Variants in KIAA1549 observed in about 807,000 individuals in gnomAD.
The protein encoded by KIAA1549 is KIAA1549, also known as UPF0606 protein KIAA1549.
In KIAA1549, 70 loss-of-function variants were observed where a neutral mutation model predicts 156.4. The observed-to-expected ratio is 0.45, with a 90% CI of 0.37 to 0.55. KIAA1549 has a LOEUF of 0.55. Among genes scored for constraint, KIAA1549 ranks in the 20% least tolerant of loss-of-function variants. The pLI, the probability that KIAA1549 is intolerant of heterozygous loss-of-function variation, is 0.00. For synonymous variants in KIAA1549, 1,103 were observed against 1,066.4 expected, an observed-to-expected ratio of 1.03 and a Z score of -0.67; for missense variants, 2,428 against 2,540.9, an observed-to-expected ratio of 0.96 and a Z score of 0.96.
At chr7:138,913,740 A>G (rs1812234353) in intron 2 of KIAA1549, among the ~76,000 whole-genome samples, 1 of 152,096 alleles carries the variant, frequency 6.6e-6, no homozygotes, top group Non-Finnish European at 1.5e-5. Flanking sequence ...CACAGCCCCA[A>G]CCACCTTGCT....
chr7:138,964,041 C>G (rs539116831), intron 1 of KIAA1549, among the ~76,000 whole-genome samples: 1 of 152,090 alleles, frequency 6.6e-6, no homozygotes, highest in Non-Finnish European at 1.5e-5. Flanking sequence ...TTTAATTTGC[C>G]GAAATAAAGT....
At chr7:138,884,528 A>T (rs1282842595) in intron 10 of KIAA1549, among the ~76,000 whole-genome samples, 1 of 152,220 alleles carries the variant, frequency 6.6e-6, no homozygotes, top group Non-Finnish European at 1.5e-5. Context: ...CTTTGTGGTA[A>T]TAAGATACCA....
At chr7:138,877,504 A>C (rs1811121830) in intron 12 of KIAA1549, among the ~76,000 whole-genome samples, 1 of 152,202 alleles carries the variant, frequency 6.6e-6, no homozygotes, top group South Asian at 2.1e-4. Context: ...AAAAAGCAAA[A>C]AATTTTAAAA....
intron 12 of KIAA1549, among the ~76,000 whole-genome samples, chr7:138,873,169 T>C (rs1404332348): frequency 6.6e-6 from 1 of 152,246 alleles, no homozygotes; most frequent in Non-Finnish European, 1.5e-5. Flanking sequence ...AGCATTGCTA[T>C]GTAAATCTGT....
At position 138,964,644 on chromosome 7, in the gene KIAA1549, C is replaced by T. The variant is rs570529693; in HGVS notation, c.187+16439G>A. Among the ~76,000 whole-genome samples, 9 of 152,214 alleles carry T rather than the reference C, an allele frequency of 5.9e-5. No individual in the cohort carries two copies. In the East Asian group the frequency reaches 9.7e-4, roughly 16 times the overall value. ...AGAACCTTATTCAAAGGCCCAAATG[C>T]CAATGAACAATCAGAGAAATGCACC... On this transcript the variant is annotated intron_variant, in intron 1 of 19. Coordinates refer to ENST00000422774, the MANE Select transcript of KIAA1549 (RefSeq NM_001164665.2).
At chr7:138,858,794 T>C (rs1245463313) in intron 16 of KIAA1549, among the ~76,000 whole-genome samples, 1 of 151,816 alleles carries the variant, frequency 6.6e-6, no homozygotes, top group East Asian at 1.9e-4. Flanking sequence ...GATCACGAGG[T>C]CAGGAGATCG....
At chr7:138,968,037 C>T (rs137860302) in intron 1 of KIAA1549, among the ~76,000 whole-genome samples, 121 of 152,334 alleles carry the variant, frequency 7.9e-4, no homozygotes, top group African/African-American at 2.7e-3. Context: ...TCCCACTCCA[C>T]TAGGCATGGA....
chr7:138,928,641 A>G (rs1315851886), intron 1 of KIAA1549, among the ~76,000 whole-genome samples: 1 of 152,232 alleles, frequency 6.6e-6, no homozygotes, highest in African/African-American at 2.4e-5. Context: ...GTCCTGGACA[A>G]ACTTAATAAA....
chr7:138,904,190 CCA>C (rs566998993), intron 7 of KIAA1549, among the ~76,000 whole-genome samples: 1 of 152,188 alleles, frequency 6.6e-6, no homozygotes, highest in Non-Finnish European at 1.5e-5. Flanking sequence ...GGAAGCCTGC[CCA>C]TCTTTAGTTA....
chr7:138,959,963 C>A (rs180812466), intron 1 of KIAA1549, among the ~76,000 whole-genome samples: 1 of 152,308 alleles, frequency 6.6e-6, no homozygotes. Context: ...TCCCTTAACA[C>A]AAACAAGCTC....
chr7:138,939,579 G>C (rs1225012047), intron 1 of KIAA1549, among the ~76,000 whole-genome samples: 3 of 152,180 alleles, frequency 2.0e-5, no homozygotes, highest in Admixed American at 6.5e-5. Flanking sequence ...TAGATCAAGA[G>C]GCTTCATTAG....
Position 138,898,932 on chromosome 7 carries a change from A to T in KIAA1549, c.3847+23T>A, listed in dbSNP as rs376264114. ...TGGTGCCCAGCACAGCACAGCACAG[A>T]CGACAACACCTCAGGCACTTACGCT... On this transcript the variant is annotated intron_variant, in intron 9 of 19. Transcript: ENST00000422774. The T allele has an allele frequency of 1.1e-4, 180 of 1,612,544 alleles. 1 individual carries two copies. The African/African-American group carries it at 1.9e-3, about 17-fold the overall frequency.
chr7:138,843,434 C>A (rs1353203367), intron 18 of KIAA1549, among the ~76,000 whole-genome samples: 3 of 152,144 alleles, frequency 2.0e-5, no homozygotes, highest in Admixed American at 2.0e-4. Flanking sequence ...TAAATTTCTC[C>A]TAGGTACTAT....
At chr7:138,867,116 T>C (rs1208516227) in intron 15 of KIAA1549, among the ~76,000 whole-genome samples, 2 of 152,180 alleles carry the variant, frequency 1.3e-5, no homozygotes, top group African/African-American at 4.8e-5. Flanking sequence ...TAATTTCCAT[T>C]AACCTCTTTC....
At chr7:138,916,546 T>C (rs1307390827) in intron 2 of KIAA1549, among the ~76,000 whole-genome samples, 2 of 152,208 alleles carry the variant, frequency 1.3e-5, no homozygotes, top group Non-Finnish European at 2.9e-5. Flanking sequence ...CCTTGTTTAA[T>C]GGGTGAGGCA....
intron 11 of KIAA1549, among the ~76,000 whole-genome samples, chr7:138,880,331 A>G (rs1374563440): frequency 1.3e-5 from 2 of 152,214 alleles, no homozygotes; most frequent in East Asian, 3.8e-4. Context: ...AAGAAAAAAA[A>G]AATACTTTGC....
intron 1 of KIAA1549, among the ~76,000 whole-genome samples, chr7:138,937,051 C>G (rs183098462): frequency 4.6e-5 from 7 of 152,286 alleles, no homozygotes; most frequent in Admixed American, 2.0e-4. Flanking sequence ...CTCTTAAAAG[C>G]CTTCAGAAAG....
intron 1 of KIAA1549, among the ~76,000 whole-genome samples, chr7:138,934,478 C>T (rs1049694299): frequency 1.3e-5 from 2 of 151,050 alleles, no homozygotes; most frequent in Non-Finnish European, 2.9e-5. Context: ...GGGCGGAGTA[C>T]ACCAAGAGAG....
At chr7:138,915,255 C>A (rs1419507848) in intron 2 of KIAA1549, among the ~76,000 whole-genome samples, 3 of 152,106 alleles carry the variant, frequency 2.0e-5, no homozygotes. Context: ...TCCCAAATAG[C>A]CACTCTTGGA....
Sources: allele counts gnomAD v4.1 joint callset (sites outside exome capture counted in the v4.1 genomes callset), GRCh38; gene constraint gnomAD v4.1.1; transcripts MANE v1.5; gene names NCBI Gene and HGNC (gene_info 2026-07-23, HGNC 2026-07-21).